Variants in ERCC6L2 observed in about 807,000 individuals in gnomAD.
ERCC6L2 encodes ERCC excision repair 6 like 2.
A neutral mutation model predicts 132.0 loss-of-function variants in ERCC6L2; 77 were observed. That is an observed-to-expected ratio of 0.58 (90% confidence interval 0.49 to 0.71). The LOEUF (loss-of-function observed/expected upper bound fraction) is 0.71. ERCC6L2 is among the 30% of genes least tolerant of loss of function. The probability of loss-of-function intolerance (pLI) is 0.00; values close to 1 mark genes in which losing one functional copy is unlikely to be tolerated. For synonymous variants in ERCC6L2, 583 were observed against 632.4 expected (o/e 0.92, Z 1.17); for missense variants, 1,542 against 1,837.6 (o/e 0.84, Z 2.94).
In ERCC6L2 at chr9:96,012,707, A is replaced by G. The variant is rs1433712222; in HGVS notation, c.4157A>G (p.Asn1386Ser). ...GATACTGTGACATCCCGTTCTCTGA[A>G]CAGTGAGTCTGAAACACGTGAGAGA... ...SEDTVTSRSL[N>S]SESETRERRL... Residue 1386 changes from asparagine to serine, a missense_variant, in exon 19 of 19, where the codon AAC (asparagine) becomes AGC (serine). Asn to Ser is a conservative substitution (Grantham distance 46). Around this residue, in one of 4 missense-constraint regions of ERCC6L2, gnomAD observed 442 missense variants for 583.4 expected, o/e 0.76. Transcript: ENST00000653738. 1.5e-6 allele frequency: 2 copies of G among 1,367,670 alleles called. No individual in the cohort carries two copies. Among genetic ancestry groups the G allele is most frequent in the Middle Eastern group, 2.1e-4 (1 of 4,768 alleles). The allele number at this position is 1,367,670 out of a possible 1,614,324, so 84.7% of individuals were successfully genotyped here. A position where few individuals can be genotyped will look rare whatever the true frequency, so the allele number is the denominator to read the frequency against.
chr9:95,988,467 A>C (rs1209153442), intron 17 of ERCC6L2, among the ~76,000 whole-genome samples: 2 of 152,226 alleles, frequency 1.3e-5, no homozygotes, highest in African/African-American at 2.4e-5. Flanking sequence ...CTCATGACTA[A>C]CATTACCTGC....
chr9:95,909,858 C>T (rs1829260728), intron 4 of ERCC6L2, among the ~76,000 whole-genome samples: 1 of 152,192 alleles, frequency 6.6e-6, no homozygotes, highest in African/African-American at 2.4e-5. Context: ...TTAGAAGAAA[C>T]TCCCAAACCA....
At chr9:95,923,456 C>A in intron 9 of ERCC6L2, 77 bp downstream of exon 9, 1 of 1,512,564 alleles carries the variant, frequency 6.6e-7, no homozygotes. Context: ...GAGACACCAA[C>A]TAATCAGAAC....
At chr9:95,920,340 G>A (rs980977023) in intron 6 of ERCC6L2, among the ~76,000 whole-genome samples, 7 of 152,118 alleles carry the variant, frequency 4.6e-5, no homozygotes, top group East Asian at 1.9e-4. Flanking sequence ...TCCACTTAAT[G>A]AACAGTAAAG....
chr9:95,977,629 G>A (rs921250128), intron 16 of ERCC6L2, among the ~76,000 whole-genome samples: 45 of 151,948 alleles, frequency 3.0e-4, no homozygotes, highest in African/African-American at 9.4e-4. Flanking sequence ...CCAATCAAAC[G>A]AAACTCCCTG....
intron 16 of ERCC6L2, among the ~76,000 whole-genome samples, 158 bp from the exon 17 acceptor site, chr9:95,977,903 C>G (rs1415749071): frequency 6.6e-6 from 1 of 152,044 alleles, no homozygotes; most frequent in Non-Finnish European, 1.5e-5. Context: ...GTAACCCAGA[C>G]TAACATATTT....
intron 16 of ERCC6L2, 25 bp downstream of exon 16, chr9:95,973,113 C>G (rs771526772): frequency 2.4e-6 from 3 of 1,259,170 alleles, no homozygotes; most frequent in Non-Finnish European, 3.1e-6. Flanking sequence ...ATTCTCAAAA[C>G]TTTAAAAAGT....
intron 17 of ERCC6L2, 135 bp from the exon 18 acceptor site, chr9:96,004,385 C>A: frequency 2.3e-6 from 1 of 432,226 alleles, no homozygotes; most frequent in Non-Finnish European, 4.2e-6. Context: ...TTAATATCTT[C>A]TGACATTGAT....
rs957587867 is a variant in ERCC6L2, at chr9:95,925,409, T to C, written c.1533+2030T>C. Among the ~76,000 whole-genome samples, 23 of 152,256 alleles carry C rather than the reference T, an allele frequency of 1.5e-4. 1 individual carries two copies. Among genetic ancestry groups the C allele is most frequent in the Middle Eastern group, 3.4e-3 (1 of 294 alleles). ...ATCTTTCTAGGCCTGACTGACCAAG[T>C]TGAGGAAAGTTAAGATCCAAGGTTC... On this transcript the variant is annotated intron_variant, in intron 9 of 18. Coordinates refer to ENST00000653738, the MANE Select transcript of ERCC6L2 (RefSeq NM_020207.7).
intron 4 of ERCC6L2, among the ~76,000 whole-genome samples, chr9:95,910,652 TTATTTGGG>T (rs1413814043): frequency 2.0e-5 from 3 of 152,228 alleles, no homozygotes; most frequent in African/African-American, 4.8e-5. Flanking sequence ...TCTTTGCCTC[TTATTTGGG>T]TATTTAGACC....
intron 17 of ERCC6L2, among the ~76,000 whole-genome samples, chr9:95,980,168 T>C (rs1255310944): frequency 6.6e-6 from 1 of 152,160 alleles, no homozygotes; most frequent in Non-Finnish European, 1.5e-5. Context: ...AGTCGAAATA[T>C]TTTTGAGGTG....
intron 19 of ERCC6L2, chr9:96,028,070 G>A (rs529379948): frequency 6.6e-6 from 1 of 152,148 alleles, no homozygotes; most frequent in Non-Finnish European, 1.5e-5. Context: ...GAACGGATGC[G>A]ACAGTGGACC....
chr9:95,979,263 T>C (rs1040940890), intron 17 of ERCC6L2, among the ~76,000 whole-genome samples: 2 of 152,166 alleles, frequency 1.3e-5, no homozygotes, highest in African/African-American at 4.8e-5. Context: ...ACTGAATGCC[T>C]AGCTGGCATT....
chr9:95,951,692 G>A (rs1054146629), intron 12 of ERCC6L2, among the ~76,000 whole-genome samples: 1 of 152,158 alleles, frequency 6.6e-6, no homozygotes, highest in South Asian at 2.1e-4. Flanking sequence ...AAATTGAATA[G>A]TCTACGTGAA....
intron 7 of ERCC6L2, among the ~76,000 whole-genome samples, chr9:95,921,963 T>C (rs1367470704): frequency 1.3e-5 from 2 of 152,178 alleles, no homozygotes; most frequent in South Asian, 4.1e-4. Context: ...GGAGCATAAA[T>C]GAGAAGGGGT....
chr9:95,897,684 T>C lies in ERCC6L2; in HGVS notation c.472-165T>C, dbSNP rs140790108. Among the ~76,000 whole-genome samples, 13 of 152,248 alleles carry C rather than the reference T, an allele frequency of 8.5e-5. No individual in the cohort carries two copies. The East Asian group carries it at 2.5e-3, about 29-fold the overall frequency. On this transcript the variant is annotated intron_variant, in intron 2 of 18. Coordinates refer to ENST00000653738, the MANE Select transcript of ERCC6L2 (RefSeq NM_020207.7). ...TTGTTTACAAGAGTGAAAAACAGTT[T>C]GTTATTACAAATAAAGAAAATCAGT...
intron 12 of ERCC6L2, among the ~76,000 whole-genome samples, chr9:95,948,791 G>GAAAAA (rs55712485): frequency 9.6e-4 from 99 of 103,306 alleles, no homozygotes; most frequent in African/African-American, 1.3e-3. Context: ...CAAGACATTA[G>GAAAAA]AAAAAAAAAA....
rs2132606990 is a variant in ERCC6L2 at position 95,897,871 on chromosome 9, T to C, written c.494T>C (p.Val165Ala). 1.2e-6 allele frequency: 2 copies of C among 1,612,942 alleles called. No individual in the cohort carries two copies. The highest frequency in any genetic ancestry group is 1.7e-6 in the Non-Finnish European group (2 of 1,179,482). Residue 165 changes from valine to alanine, a missense_variant, in exon 3 of 19, where the codon GTT becomes GCT. Val to Ala is a moderately conservative substitution (Grantham distance 64). Coordinates refer to ENST00000653738, the MANE Select transcript of ERCC6L2 (RefSeq NM_020207.7). ...CAGGTTATTTCATTTCTGGCTGCAG[T>C]TTTGCATAAAAAGGGAACTCGTGAG... Reference protein sequence around the residue: ...TVQVISFLAAVLHKKGTREDI... With the variant: ...TVQVISFLAAALHKKGTREDI...
Position 96,014,173 on chromosome 9 carries a change from C to T in ERCC6L2, c.*970C>T, listed in dbSNP as rs1337125327. 1 of 152,168 alleles carries T rather than the reference C, an allele frequency of 6.6e-6. No individual in the cohort carries two copies. The highest frequency in any genetic ancestry group is 1.9e-4 in the East Asian group (1 of 5,196). The allele number at this position is 152,168 out of a possible 1,614,324, so 9.4% of individuals were successfully genotyped here. A position where few individuals can be genotyped will look rare whatever the true frequency, so the allele number is the denominator to read the frequency against. ...TCAGTGAAAAATCATGGTGGAAAGCCCCTGGCATCACATGTGCATGCTGTA... is the reference window on the plus strand; with the variant it reads ...TCAGTGAAAAATCATGGTGGAAAGCTCCTGGCATCACATGTGCATGCTGTA... On this transcript the variant is annotated 3_prime_UTR_variant, in exon 19 of 19. Coordinates refer to ENST00000653738, the MANE Select transcript of ERCC6L2 (RefSeq NM_020207.7).
Sources: allele counts gnomAD v4.1 joint callset (sites outside exome capture counted in the v4.1 genomes callset), GRCh38; gene constraint gnomAD v4.1.1; regional missense constraint gnomAD v4.1.1; transcripts MANE v1.5; gene names NCBI Gene and HGNC (gene_info 2026-07-23, HGNC 2026-07-21).